Variants in CDH2 observed in about 807,000 individuals in gnomAD.
CDH2 encodes the protein cadherin 2, also known as cadherin-2.
CDH2 carries 17 observed loss-of-function variants against 92.0 expected under a neutral mutation model. The observed-to-expected ratio is 0.18, with a 90% CI of 0.13 to 0.28. The LOEUF (loss-of-function observed/expected upper bound fraction) is 0.28. Ranked by LOEUF, CDH2 falls within the 10% of genes least tolerant of loss-of-function variation. The pLI, the probability that CDH2 is intolerant of heterozygous loss-of-function variation, is 1.00. For missense variants in CDH2, 862 were observed against 1,133.1 expected (o/e 0.76, Z 3.44); for synonymous variants, 419 against 415.9 (o/e 1.01, Z -0.09).
intron 15 of CDH2, among the ~76,000 whole-genome samples, chr18:27,960,968 G>A (rs920752425): frequency 6.6e-6 from 1 of 151,820 alleles, no homozygotes; most frequent in Non-Finnish European, 1.5e-5. Context: ...GAAGGGTTGG[G>A]TAAGTGAAAC....
intron 2 of CDH2, among the ~76,000 whole-genome samples, chr18:28,039,138 T>C (rs1282464389): frequency 1.3e-5 from 2 of 152,304 alleles, no homozygotes; most frequent in Admixed American, 1.3e-4. Context: ...CTGGGTCTAA[T>C]GTCATGCAAA....
chr18:27,966,907 G>A (rs1468812113), intron 14 of CDH2, among the ~76,000 whole-genome samples: 1 of 152,158 alleles, frequency 6.6e-6, no homozygotes, highest in Non-Finnish European at 1.5e-5. Flanking sequence ...CATAATCTCA[G>A]TGATGATACT....
At chr18:28,007,164 AAAT>A (rs1469529400) in intron 5 of CDH2, among the ~76,000 whole-genome samples, 6 of 132,176 alleles carry the variant, frequency 4.5e-5, no homozygotes, top group South Asian at 2.3e-4. Context: ...CATAAAAAAA[AAAT>A]ATATATATAT....
At chr18:28,159,174 T>C (rs996172211) in intron 1 of CDH2, 3 of 152,170 alleles carry the variant, frequency 2.0e-5, no homozygotes, top group Non-Finnish European at 2.9e-5. Context: ...GAAAGAATAA[T>C]CTGAGCAGCT....
At chr18:28,055,989 C>A in intron 2 of CDH2, among the ~76,000 whole-genome samples, 1 of 151,694 alleles carries the variant, frequency 6.6e-6, no homozygotes, top group East Asian at 1.9e-4. Flanking sequence ...TATATGGTAA[C>A]TGAAACTGGA....
chr18:27,977,091 A>G (rs1201585662), intron 14 of CDH2, among the ~76,000 whole-genome samples: 1 of 152,180 alleles, frequency 6.6e-6, no homozygotes, highest in Admixed American at 6.5e-5. Context: ...TGCCTTACTA[A>G]CCAGCAAAAA....
chr18:28,047,072 T>C (rs2014091018), intron 2 of CDH2, among the ~76,000 whole-genome samples: 1 of 152,178 alleles, frequency 6.6e-6, no homozygotes, highest in Non-Finnish European at 1.5e-5. Context: ...GAGGGATTCC[T>C]TTACACTTCA....
chr18:28,037,667 T>G (rs1293826388), intron 2 of CDH2, among the ~76,000 whole-genome samples: 2 of 151,984 alleles, frequency 1.3e-5, no homozygotes, highest in African/African-American at 4.8e-5. Flanking sequence ...AATAAGGAAT[T>G]CATACAAGAA....
At chr18:28,061,765 A>G (rs1436249188) in intron 2 of CDH2, among the ~76,000 whole-genome samples, 3 of 152,234 alleles carry the variant, frequency 2.0e-5, no homozygotes, top group Non-Finnish European at 2.9e-5. Flanking sequence ...ATCATGGCAG[A>G]AGGCGAAGGA....
chr18:28,086,824 C>T (rs983645251), intron 2 of CDH2, among the ~76,000 whole-genome samples: 4 of 152,108 alleles, frequency 2.6e-5, no homozygotes, highest in African/African-American at 7.2e-5. Context: ...GTCTAATTAA[C>T]GGAACTGAGT....
chr18:27,955,805 A>C (rs2011233967), intron 15 of CDH2, among the ~76,000 whole-genome samples: 1 of 135,924 alleles, frequency 7.4e-6, no homozygotes, highest in African/African-American at 2.8e-5. Flanking sequence ...CATAAAATCC[A>C]TTAGAGAGAG....
chr18:28,042,876 C>T (rs72882676), intron 2 of CDH2, among the ~76,000 whole-genome samples: 109 of 152,276 alleles, frequency 7.2e-4, no homozygotes, highest in Non-Finnish European at 1.3e-3. Context: ...AATAACAAAG[C>T]TCCTTCCTAC....
chr18:27,963,488 T>C lies in CDH2; in HGVS notation c.2383A>G (p.Thr795Ala). The C allele has an allele frequency of 1.2e-6, 2 of 1,614,030 alleles. No individual in the cohort carries two copies. Among genetic ancestry groups the C allele is most frequent in the Non-Finnish European group, 1.7e-6 (2 of 1,180,004 alleles). ...GGCTTGATGGCATCAGGCTCCACAG[T>C]GTCAGGCTGCTGCAGCTGGCTCAAG... ...YDLSQLQQPD[T>A]VEPDAIKPVG... The change falls in exon 15 of 16, where the codon ACT becomes GCT. Residue 795 changes from threonine (T) to alanine (A), a missense_variant. By Grantham distance (58) the Thr-to-Ala change is moderately conservative. Coordinates refer to ENST00000269141, the MANE Select transcript of CDH2 (RefSeq NM_001792.5).
chr18:28,032,061 A>T (rs1299853640), intron 2 of CDH2, among the ~76,000 whole-genome samples: 2 of 152,154 alleles, frequency 1.3e-5, no homozygotes. Flanking sequence ...TTGATGTTGC[A>T]GTGTAGTTAT....
intron 7 of CDH2, among the ~76,000 whole-genome samples, chr18:27,998,412 C>A (rs1035270422): frequency 1.3e-5 from 2 of 152,108 alleles, no homozygotes; most frequent in African/African-American, 4.8e-5. Flanking sequence ...AAGGAGCTTG[C>A]CATGGACACC....
intron 10 of CDH2, 109 bp from the exon 11 acceptor site, chr18:27,988,775 T>C (rs1186356691): frequency 5.2e-6 from 4 of 763,862 alleles, no homozygotes; most frequent in Non-Finnish European, 8.7e-6. Context: ...TTTCTGTAGA[T>C]GATGGCTGGA....
chr18:28,110,699 A>G lies in CDH2; in HGVS notation c.172+36974T>C, dbSNP rs554650201. On this transcript the variant is annotated intron_variant, in intron 2 of 15. Transcript: ENST00000269141. ...AAAGAAATTAATGATCGTGAAATCA[A>G]TGCATACTGTAATTGCTAAAGTGAA... 4.6e-5 allele frequency among the ~76,000 whole-genome samples: 7 copies of G among 152,278 alleles called. No individual in the cohort carries two copies. In the South Asian group the frequency reaches 1.5e-3, roughly 32 times the overall value.
intron 2 of CDH2, among the ~76,000 whole-genome samples, chr18:28,140,064 C>A (rs148027745): frequency 1.5e-4 from 23 of 152,116 alleles, no homozygotes; most frequent in African/African-American, 5.1e-4. Context: ...CTCCCACATA[C>A]ACATTCAGTC....
intron 13 of CDH2, among the ~76,000 whole-genome samples, chr18:27,984,009 C>T (rs944192031): frequency 6.6e-6 from 1 of 152,132 alleles, no homozygotes; most frequent in African/African-American, 2.4e-5. Context: ...CCTTTTAAAG[C>T]CAGATAACAT....
Sources: gnomAD v4.1 joint callset for allele counts (sites outside exome capture counted in the v4.1 genomes callset) on GRCh38, gnomAD v4.1.1 for gene constraint, MANE v1.5 for transcripts, NCBI Gene and HGNC (gene_info 2026-07-23, HGNC 2026-07-21) for gene names.